SENP1: variants seen among roughly 807,000 people sequenced by gnomAD.
The protein encoded by SENP1 is SUMO specific peptidase 1, also known as sentrin-specific protease 1.
A neutral mutation model predicts 93.0 loss-of-function variants in SENP1; 21 were observed. The observed-to-expected ratio is 0.23, with a 90% CI of 0.16 to 0.33. SENP1 has a LOEUF of 0.33. Among genes scored for constraint, SENP1 ranks in the 10% least tolerant of loss-of-function variants. SENP1 has a pLI of 1.00. For missense variants in SENP1, 591 were observed against 758.7 expected, an observed-to-expected ratio of 0.78 and a Z score of 2.60; for synonymous variants, 256 against 259.6, an observed-to-expected ratio of 0.99 and a Z score of 0.13.
chr12:48,053,943 A>G (rs1242356322), intron 13 of SENP1, among the ~76,000 whole-genome samples: 1 of 152,178 alleles, frequency 6.6e-6, no homozygotes, highest in African/African-American at 2.4e-5. Flanking sequence ...CATCCCCCAA[A>G]AAAGAGACAT....
intron 13 of SENP1, among the ~76,000 whole-genome samples, chr12:48,053,444 CTCTAGCCTGGA>C (rs1244958141): frequency 6.9e-6 from 1 of 145,820 alleles, no homozygotes; most frequent in East Asian, 2.0e-4. Context: ...CACCACTGCA[CTCTAGCCTGGA>C]TTACAGAGTG....
chr12:48,074,234 T>C (rs771970080), intron 8 of SENP1, 90 bp downstream of exon 8: 11 of 1,061,442 alleles, frequency 1.0e-5, no homozygotes, highest in Non-Finnish European at 1.4e-5. Flanking sequence ...CATTTATTTA[T>C]ATGTATATTA....
At chr12:48,063,443 T>A (rs1379461318) in intron 13 of SENP1, among the ~76,000 whole-genome samples, 1 of 152,172 alleles carries the variant, frequency 6.6e-6, no homozygotes, top group African/African-American at 2.4e-5. Context: ...AGAATACCAA[T>A]GAGTGAATGT....
chr12:48,066,841 A>C, intron 10 of SENP1, 86 bp downstream of exon 10: 2 of 1,111,854 alleles, frequency 1.8e-6, no homozygotes, highest in Non-Finnish European at 2.7e-6. Context: ...GGCAAAAAAT[A>C]AGCAGGATGA....
chr12:48,081,391 A>G (rs1018310580), intron 6 of SENP1: 1 of 152,100 alleles, frequency 6.6e-6, no homozygotes, highest in Non-Finnish European at 1.5e-5. Context: ...CTGTACAACG[A>G]TGACATGAAA....
chr12:48,095,300 G>A (rs1168288505), intron 4 of SENP1, among the ~76,000 whole-genome samples: 3 of 152,040 alleles, frequency 2.0e-5, no homozygotes, highest in Non-Finnish European at 4.4e-5. Flanking sequence ...ACTTTGGGAG[G>A]GGGAGCCAGG....
chr12:48,047,118 C>T, intron 15 of SENP1, 56 bp from the exon 16 acceptor site: 1 of 1,095,782 alleles, frequency 9.1e-7, no homozygotes, highest in South Asian at 1.3e-5. Flanking sequence ...TGACAGCTGC[C>T]ACACTAAGAA....
At chr12:48,072,376 T>C (rs1943768196) in intron 8 of SENP1, among the ~76,000 whole-genome samples, 1 of 152,152 alleles carries the variant, frequency 6.6e-6, no homozygotes, top group Non-Finnish European at 1.5e-5. Context: ...GTAATGATGT[T>C]GGCAATTCAG....
chr12:48,083,066 G>A (rs891027512), intron 6 of SENP1, among the ~76,000 whole-genome samples: 7 of 151,806 alleles, frequency 4.6e-5, no homozygotes, highest in Non-Finnish European at 5.9e-5. Flanking sequence ...CACCAAGCCC[G>A]TCTAATTTTT....
At chr12:48,050,477 C>T (rs1941714959) in intron 13 of SENP1, among the ~76,000 whole-genome samples, 1 of 152,212 alleles carries the variant, frequency 6.6e-6, no homozygotes, top group Admixed American at 6.5e-5. Flanking sequence ...TGAAGAAAGA[C>T]ACTGTTTTCT....
intron 5 of SENP1, chr12:48,085,465 A>C: frequency 1.5e-6 from 1 of 672,098 alleles, no homozygotes; most frequent in South Asian, 2.3e-5. Context: ...CCCTTCCCTC[A>C]TTCTCAGGCC....
intron 4 of SENP1, among the ~76,000 whole-genome samples, chr12:48,094,813 A>T (rs1329895948): frequency 8.5e-5 from 13 of 152,320 alleles, no homozygotes; most frequent in Non-Finnish European, 1.5e-5. Context: ...TAAAGCAGAG[A>T]TTCTATCCAA....
Position 48,074,430 on chromosome 12 carries a change from A to T in SENP1, c.834T>A (p.Asp278Glu). The change falls in exon 8 of 18, where the codon GAT becomes GAA. Residue 278 changes from aspartate (D) to glutamate (E), a missense_variant. Physicochemically the swap from Asp to Glu is conservative, Grantham distance 45 (BLOSUM62 2). Around this residue, in one of 4 missense-constraint regions of SENP1, gnomAD observed 238 missense variants for 259.1 expected, o/e 0.92. Transcript: ENST00000549518. ...SVYSLSSYTP[D>E]VAFGSKDSGT... ...CAGAATCTTTGGATCCAAATGCAAC[A>T]TCTGGGGTATAAGAAGATAGGGAAT... is the stretch of plus-strand genomic sequence containing the variant. 6.2e-7 allele frequency: 1 copy of T among 1,613,878 alleles called. No individual in the cohort carries two copies. Among genetic ancestry groups the T allele is most frequent in the Admixed American group, 1.7e-5 (1 of 60,018 alleles).
At chr12:48,062,821 G>A (rs995551905) in intron 13 of SENP1, among the ~76,000 whole-genome samples, 4 of 152,122 alleles carry the variant, frequency 2.6e-5, no homozygotes, top group Admixed American at 6.5e-5. Context: ...AACATGAATC[G>A]TACTAATGAG....
intron 1 of SENP1, among the ~76,000 whole-genome samples, chr12:48,102,108 T>C (rs1035302848): frequency 6.6e-6 from 1 of 152,162 alleles, no homozygotes; most frequent in Admixed American, 6.5e-5. Flanking sequence ...TATCCACTTT[T>C]TCCACAAAAT....
At chr12:48,085,115 T>G in intron 5 of SENP1, 1 of 1,397,480 alleles carries the variant, frequency 7.2e-7, no homozygotes. Flanking sequence ...ACACGGTGAC[T>G]GGTTTCCTGC....
chr12:48,065,811 CTTATT>C (rs528393902), intron 10 of SENP1, 131 bp from the exon 11 acceptor site: 94 of 602,132 alleles, frequency 1.6e-4, no homozygotes, highest in African/African-American at 1.6e-3. Context: ...ACTTATCATC[CTTATT>C]TTAAGACATA....
At chr12:48,055,422 G>A (rs1228937662) in intron 13 of SENP1, 1 of 152,370 alleles carries the variant, frequency 6.6e-6, no homozygotes, top group Non-Finnish European at 1.5e-5. Flanking sequence ...TGCGGCTCCA[G>A]CTCCACAATT....
chr12:48,076,367 C>T (rs1301490199), intron 6 of SENP1, among the ~76,000 whole-genome samples: 1 of 152,084 alleles, frequency 6.6e-6, no homozygotes. Flanking sequence ...CTGACCAGCC[C>T]AGGCTGGAGT....
Sources: allele counts gnomAD v4.1 joint callset (sites outside exome capture counted in the v4.1 genomes callset), GRCh38; gene constraint gnomAD v4.1.1; regional missense constraint gnomAD v4.1.1; transcripts MANE v1.5; gene names NCBI Gene and HGNC (gene_info 2026-07-23, HGNC 2026-07-21).